ADGRL2: variants seen among roughly 807,000 people sequenced by gnomAD.
ADGRL2 encodes the protein adhesion G protein-coupled receptor L2, also known as calcium-independent alpha-latrotoxin receptor 2.
In ADGRL2, 44 loss-of-function variants were observed where a neutral mutation model predicts 157.4. That is an observed-to-expected ratio of 0.28 (90% CI 0.22 to 0.36). ADGRL2 has a LOEUF of 0.36. ADGRL2 is among the 10% of genes least tolerant of loss of function. The pLI is 1.00. For synonymous variants in ADGRL2, 585 were observed against 624.7 expected (o/e 0.94, Z 0.95); for missense variants, 1,510 against 1,768.9 (o/e 0.85, Z 2.63).
chr1:81,483,830 A>G (rs1252316326), intron 2 of ADGRL2, among the ~76,000 whole-genome samples: 1 of 152,218 alleles, frequency 6.6e-6, no homozygotes, highest in Non-Finnish European at 1.5e-5. Flanking sequence ...TTTAACAATT[A>G]TAACATAAGC....
chr1:81,973,493 C>T (rs1659349168), intron 17 of ADGRL2, among the ~76,000 whole-genome samples: 1 of 152,138 alleles, frequency 6.6e-6, no homozygotes, highest in South Asian at 2.1e-4. Context: ...CATGTGTTTA[C>T]TCCTTTTATA....
chr1:81,427,510 G>A (rs1289142857), intron 1 of ADGRL2: 8 of 751,374 alleles, frequency 1.1e-5, no homozygotes, highest in East Asian at 7.4e-5. Context: ...ATCAAATTAC[G>A]AACCCATGTA....
intron 1 of ADGRL2, among the ~76,000 whole-genome samples, chr1:81,738,249 G>A (rs2084965859): frequency 1.3e-5 from 2 of 152,112 alleles, no homozygotes; most frequent in Admixed American, 1.3e-4. Context: ...CTTTCTTGGG[G>A]TCCTAATTCT....
intron 2 of ADGRL2, among the ~76,000 whole-genome samples, chr1:81,892,794 T>C (rs1379451635): frequency 2.6e-5 from 4 of 152,180 alleles, no homozygotes; most frequent in African/African-American, 4.8e-5. Context: ...TCATGAAATA[T>C]TGTTCTTTTG....
intron 2 of ADGRL2, among the ~76,000 whole-genome samples, chr1:81,852,902 G>A (rs566514169): frequency 2.6e-5 from 4 of 151,758 alleles, no homozygotes; most frequent in Non-Finnish European, 5.9e-5. Context: ...AAATCTTATT[G>A]GTATTTAATC....
At chr1:81,465,610 A>G (rs2078036213) in intron 2 of ADGRL2, among the ~76,000 whole-genome samples, 1 of 152,154 alleles carries the variant, frequency 6.6e-6, no homozygotes, top group Non-Finnish European at 1.5e-5. Flanking sequence ...AAATTTTTCT[A>G]GATCCCGCAA....
chr1:81,570,666 G>C (rs2080667679), intron 2 of ADGRL2, among the ~76,000 whole-genome samples: 1 of 152,224 alleles, frequency 6.6e-6, no homozygotes, highest in Non-Finnish European at 1.5e-5. Context: ...TGAGATTACA[G>C]ACGTGAGCCA....
intron 1 of ADGRL2, among the ~76,000 whole-genome samples, chr1:81,816,727 C>G (rs547689821): frequency 5.3e-5 from 8 of 152,000 alleles, no homozygotes; most frequent in Admixed American, 1.3e-4. Context: ...TCAACTCTTT[C>G]CAAAGATTCT....
intron 3 of ADGRL2, among the ~76,000 whole-genome samples, chr1:81,682,750 G>A (rs561267514): frequency 6.6e-6 from 1 of 152,330 alleles, no homozygotes; most frequent in South Asian, 2.1e-4. Context: ...GACCTTGAAG[G>A]TCACCATTCA....
At chr1:81,697,348 T>C (rs2083465706), upstream of ADGRL2, among the ~76,000 whole-genome samples, 1 of 152,236 alleles carries the variant, frequency 6.6e-6, no homozygotes, top group African/African-American at 2.4e-5. Context: ...ATTAAATAAG[T>C]GCTCAATAAA....
chr1:81,353,308 G>A (rs1285842522), intron 1 of ADGRL2, among the ~76,000 whole-genome samples: 2 of 152,036 alleles, frequency 1.3e-5, no homozygotes, highest in Non-Finnish European at 2.9e-5. Context: ...TAAATATTAG[G>A]GAGCCTCTGA....
intron 1 of ADGRL2, among the ~76,000 whole-genome samples, chr1:81,344,666 C>CAA (rs71592731): frequency 0.029 from 1,575 of 54,390 alleles, 139 homozygotes; most frequent in African/African-American, 0.075. Context: ...AACTCTGTCT[C>CAA]AAAAAAAAAA....
At chr1:81,934,978 G>A (rs2095288767) in intron 3 of ADGRL2, among the ~76,000 whole-genome samples, 1 of 151,926 alleles carries the variant, frequency 6.6e-6, no homozygotes, top group African/African-American at 2.4e-5. Context: ...AAAAATCAGT[G>A]AACTGTCTTG....
At chr1:81,946,110 T>C (rs1284481852) in intron 6 of ADGRL2, among the ~76,000 whole-genome samples, 1 of 152,150 alleles carries the variant, frequency 6.6e-6, no homozygotes, top group Non-Finnish European at 1.5e-5. Context: ...TAGTGATTGA[T>C]TTATTTTGCT....
chr1:81,419,186 C>A (rs1188693620), intron 1 of ADGRL2, among the ~76,000 whole-genome samples: 1 of 152,016 alleles, frequency 6.6e-6, no homozygotes, highest in Non-Finnish European at 1.5e-5. Flanking sequence ...TACAGAAAGT[C>A]TTCTTTATCT....
At chr1:81,924,233 G>T (rs1394734017) in intron 3 of ADGRL2, among the ~76,000 whole-genome samples, 3 of 150,702 alleles carry the variant, frequency 2.0e-5, no homozygotes, top group South Asian at 4.2e-4. Context: ...GAAAATAGCA[G>T]TTCCTCAGAC....
At chr1:81,362,690 G>GA (rs1156899825) in intron 1 of ADGRL2, among the ~76,000 whole-genome samples, 3 of 151,604 alleles carry the variant, frequency 2.0e-5, no homozygotes, top group African/African-American at 4.8e-5. Flanking sequence ...TTTTTTAACT[G>GA]AAAAAAATGC....
intron 1 of ADGRL2, among the ~76,000 whole-genome samples, chr1:81,755,966 C>T (rs144141790): frequency 6.6e-6 from 1 of 152,220 alleles, no homozygotes; most frequent in African/African-American, 2.4e-5. Flanking sequence ...AAATTAGGTT[C>T]CTCATTTTAA....
chr1:81,313,657 C>T (rs527868405), intron 1 of ADGRL2, among the ~76,000 whole-genome samples: 29 of 152,152 alleles, frequency 1.9e-4, no homozygotes, highest in Admixed American at 9.8e-4. Flanking sequence ...ATATAAAATT[C>T]ATTCTAAGAG....
Sources: gnomAD v4.1 joint callset for allele counts (sites outside exome capture counted in the v4.1 genomes callset) on GRCh38, gnomAD v4.1.1 for gene constraint, MANE v1.5 for transcripts, NCBI Gene and HGNC (gene_info 2026-07-23, HGNC 2026-07-21) for gene names.